RFTN2: variants seen among roughly 807,000 people sequenced by gnomAD.
RFTN2 encodes raftlin-2.
Under a neutral mutation model 52.7 loss-of-function variants are expected in RFTN2, and 34 were observed. The ratio of observed to expected loss-of-function variants is 0.64; its 90% CI spans 0.49 to 0.86. The LOEUF is 0.86. Among genes scored for constraint, RFTN2 ranks in the 40% least tolerant of loss-of-function variants. RFTN2 has a pLI of 0.00. For synonymous variants in RFTN2, 203 were observed against 217.7 expected (o/e 0.93, Z 0.59); for missense variants, 536 against 600.1 (o/e 0.89, Z 1.12).
chr2:197,609,814 C>A (rs879904520), intron 7 of RFTN2, among the ~76,000 whole-genome samples: 2 of 152,110 alleles, frequency 1.3e-5, no homozygotes, highest in Non-Finnish European at 2.9e-5. Flanking sequence ...GGGAAGGGAT[C>A]CAGTTTCAGC....
intron 7 of RFTN2, among the ~76,000 whole-genome samples, chr2:197,611,445 G>A (rs1368295799): frequency 1.3e-5 from 2 of 152,096 alleles, no homozygotes; most frequent in African/African-American, 4.8e-5. Context: ...ATTTCTGTGG[G>A]ATCGGTAGTG....
intron 4 of RFTN2, among the ~76,000 whole-genome samples, chr2:197,632,881 C>A (rs2088489566): frequency 6.6e-6 from 1 of 152,202 alleles, no homozygotes; most frequent in African/African-American, 2.4e-5. Context: ...CAGTTAATAG[C>A]AGTTAATATA....
intron 8 of RFTN2, among the ~76,000 whole-genome samples, chr2:197,591,647 G>A (rs1028332659): frequency 9.9e-5 from 15 of 152,284 alleles, no homozygotes; most frequent in Middle Eastern, 3.4e-3. Context: ...AGGAGCCCAC[G>A]GTGGTGGAGC....
intron 5 of RFTN2, among the ~76,000 whole-genome samples, chr2:197,624,915 C>T (rs1205268671): frequency 1.3e-5 from 2 of 152,248 alleles, no homozygotes; most frequent in South Asian, 2.1e-4. Flanking sequence ...CATCACTGTG[C>T]TCCAGCCTGG....
At chr2:197,615,021 C>A (rs769504784) in intron 7 of RFTN2, among the ~76,000 whole-genome samples, 1 of 152,130 alleles carries the variant, frequency 6.6e-6, no homozygotes. Context: ...TTTCCCTACC[C>A]GAAGAAGGTG....
chr2:197,653,146 G>A (rs978668425), intron 1 of RFTN2, among the ~76,000 whole-genome samples: 2 of 152,162 alleles, frequency 1.3e-5, no homozygotes, highest in East Asian at 1.9e-4. Context: ...TGAGGGCAGG[G>A]ATATTCATGC....
chr2:197,597,396 G>C (rs960263488), intron 7 of RFTN2, among the ~76,000 whole-genome samples: 5 of 152,232 alleles, frequency 3.3e-5, no homozygotes, highest in African/African-American at 9.6e-5. Flanking sequence ...GGAGCATGAA[G>C]TGTGCTGGAA....
At chr2:197,640,769 C>A (rs905881981) in intron 3 of RFTN2, among the ~76,000 whole-genome samples, 1 of 152,152 alleles carries the variant, frequency 6.6e-6, no homozygotes, top group Non-Finnish European at 1.5e-5. Flanking sequence ...CCCAGGAATG[C>A]TTATTTTTAC....
chr2:197,664,772 G>A (rs76637837), intron 1 of RFTN2, among the ~76,000 whole-genome samples: 28,423 of 152,054 alleles, frequency 0.19, 2,778 homozygotes, highest in Middle Eastern at 0.27. Flanking sequence ...GCAACAGAGC[G>A]AGAACTTATC....
chr2:197,633,871 C>T lies in RFTN2; in HGVS notation c.565G>A (p.Gly189Ser), dbSNP rs139323535. 2.8e-3 allele frequency: 4,483 copies of T among 1,613,898 alleles called. 13 individuals carry two copies. Among genetic ancestry groups the T allele is most frequent in the Non-Finnish European group, 3.4e-3 (3,970 of 1,179,882 alleles). ...DIESMLHVRH[G>S]SDENCRSWNE... ...CAACTTCTACAGTTTTCATCTGAAC[C>T]GTGTCTCACATGTAGCATCGATTCT... The change falls in exon 4 of 9, where the codon GGT becomes AGT. Residue 189 changes from glycine to serine, a missense_variant. By Grantham distance (56) the Gly-to-Ser change is moderately conservative (BLOSUM62 0). Transcript: ENST00000295049.
intron 1 of RFTN2, among the ~76,000 whole-genome samples, chr2:197,648,167 G>C (rs1054903303): frequency 6.6e-6 from 1 of 152,154 alleles, no homozygotes; most frequent in African/African-American, 2.4e-5. Flanking sequence ...TGAGGAGGAA[G>C]GGCCAGAGGA....
chr2:197,634,432 GT>G (rs2106236221), intron 3 of RFTN2, among the ~76,000 whole-genome samples: 1 of 152,152 alleles, frequency 6.6e-6, no homozygotes, highest in African/African-American at 2.4e-5. Context: ...AATACATATA[GT>G]TTTGCTTGTT....
chr2:197,575,752 TA>T (rs896194368), intron 8 of RFTN2, among the ~76,000 whole-genome samples: 4 of 140,338 alleles, frequency 2.9e-5, no homozygotes, highest in African/African-American at 1.0e-4. Context: ...ATATAAAATA[TA>T]TTTTTTATAT....
At chr2:197,660,066 G>T (rs193210264) in intron 1 of RFTN2, among the ~76,000 whole-genome samples, 2 of 152,314 alleles carry the variant, frequency 1.3e-5, no homozygotes, top group African/African-American at 4.8e-5. Flanking sequence ...AAAGGGACTA[G>T]GTAACTGGCC....
chr2:197,575,850 A>ATATATTATATAT (rs2087407040), intron 8 of RFTN2, among the ~76,000 whole-genome samples: 2 of 114,516 alleles, frequency 1.7e-5, no homozygotes. Flanking sequence ...TATATATTTT[A>ATATATTATATAT]TATACATAAT....
chr2:197,605,417 G>A (rs976330957), intron 7 of RFTN2, among the ~76,000 whole-genome samples: 2 of 151,918 alleles, frequency 1.3e-5, no homozygotes, highest in Non-Finnish European at 2.9e-5. Context: ...GGGTTTCACT[G>A]TGTTAGCCAG....
intron 8 of RFTN2, among the ~76,000 whole-genome samples, chr2:197,585,132 C>T (rs771850424): frequency 5.3e-5 from 8 of 152,192 alleles, no homozygotes; most frequent in Non-Finnish European, 7.3e-5. Flanking sequence ...TCTCCTACTT[C>T]GCTTAAACTC....
intron 8 of RFTN2, among the ~76,000 whole-genome samples, chr2:197,588,252 T>C (rs2087633749): frequency 6.6e-6 from 1 of 152,246 alleles, no homozygotes; most frequent in Admixed American, 6.5e-5. Flanking sequence ...ACACAGACGA[T>C]GTATAGAAAC....
At chr2:197,584,843 G>T (rs1301547452) in intron 8 of RFTN2, among the ~76,000 whole-genome samples, 1 of 152,114 alleles carries the variant, frequency 6.6e-6, no homozygotes, top group Admixed American at 6.6e-5. Flanking sequence ...CCTCCAGCAG[G>T]CTAGACAGGA....
Sources: gnomAD v4.1 joint callset for allele counts (sites outside exome capture counted in the v4.1 genomes callset) on GRCh38, gnomAD v4.1.1 for gene constraint, MANE v1.5 for transcripts, NCBI Gene and HGNC (gene_info 2026-07-23, HGNC 2026-07-21) for gene names.